Variants in GSDME observed in about 807,000 individuals in gnomAD.
The protein encoded by GSDME is gasdermin-E.
GSDME carries 44 observed loss-of-function variants against 47.5 expected under a neutral mutation model. The observed-to-expected ratio is 0.93, with a 90% CI of 0.73 to 1.19. The LOEUF (loss-of-function observed/expected upper bound fraction) is 1.19, where lower values mean the gene tolerates loss of function less well. Among genes scored for constraint, GSDME ranks in the 50% most tolerant of loss-of-function variants. The probability of loss-of-function intolerance (pLI) is 0.00; values close to 1 mark genes in which losing one functional copy is unlikely to be tolerated. For synonymous variants in GSDME, 258 were observed against 252.8 expected (o/e 1.02, Z -0.20); for missense variants, 663 against 604.2 (o/e 1.10, Z -1.02).
intron 8 of GSDME, chr7:24,703,046 G>A: frequency 2.0e-6 from 1 of 493,836 alleles, no homozygotes; most frequent in Non-Finnish European, 3.8e-6. Flanking sequence ...TGCCAGCTCT[G>A]CATTCCACAG....
chr7:24,727,569 G>A (rs1439921659), intron 3 of GSDME, among the ~76,000 whole-genome samples: 1 of 152,238 alleles, frequency 6.6e-6, no homozygotes, highest in East Asian at 1.9e-4. Flanking sequence ...TAAAACTACA[G>A]TTTACAAAGG....
At chr7:24,765,610 T>A in the GSDME span, among the ~76,000 whole-genome samples, 1 of 152,242 alleles carries the variant, frequency 6.6e-6, no homozygotes, top group South Asian at 2.1e-4. Flanking sequence ...TGTCCTTCAA[T>A]GTTATCCAGA....
At chr7:24,770,168 G>A in the GSDME span, among the ~76,000 whole-genome samples, 2 of 152,200 alleles carry the variant, frequency 1.3e-5, no homozygotes, top group Non-Finnish European at 2.9e-5. The surrounding 1 kb of genome is among the most constrained non-coding windows in gnomAD (Gnocchi z 4.6). Flanking sequence ...ATCACCAATG[G>A]CTGACGATTT....
rs921862675 is a variant in GSDME, at chr7:24,742,262, C to T, written c.404+2300G>A. The stretch of plus-strand genomic sequence containing the variant: ...CTTTTACATGATTTAGAGGAAAGAA[C>T]AGGAGCTTTGGAGCCAGAAAATCCT... On this transcript the variant is annotated intron_variant, in intron 3 of 9. Transcript: ENST00000645220. This position sits in a 1 kb window ranked among gnomAD's most constrained non-coding sequence, Gnocchi z 4.4. 6.6e-6 allele frequency among the ~76,000 whole-genome samples: 1 copy of T among 152,210 alleles called. No homozygotes were observed. Among genetic ancestry groups the T allele is most frequent in the African/African-American group, 2.4e-5 (1 of 41,442 alleles).
At chr7:24,761,954 A>G (rs1320603561), upstream of GSDME, among the ~76,000 whole-genome samples, 2 of 152,196 alleles carry the variant, frequency 1.3e-5, no homozygotes, top group Non-Finnish European at 2.9e-5. This position sits in a 1 kb window ranked among gnomAD's most constrained non-coding sequence, Gnocchi z 4.4. Flanking sequence ...TGTTTTCATG[A>G]AAGAAAGTGG....
rs1340456493 is a variant in GSDME at position 24,756,978 on chromosome 7, T to G, written c.-20+418A>C. ...CACACGCCCCCGAGCCGGGAGAGCC[T>G]CCGCAGCACCCAGAGAAGAGACCGG... On this transcript the variant is annotated intron_variant, in intron 1 of 9. Coordinates refer to ENST00000645220, the MANE Select transcript of GSDME (RefSeq NM_001127453.2). This position sits in a 1 kb window ranked among gnomAD's most constrained non-coding sequence, Gnocchi z 4.2. 6.8e-6 allele frequency among the ~76,000 whole-genome samples: 1 copy of G among 147,320 alleles called. No individual in the cohort carries two copies. The highest frequency in any genetic ancestry group is 1.5e-5 in the Non-Finnish European group (1 of 66,842).
rs1790572578 is a variant in GSDME at position 24,744,084 on chromosome 7, A to C, written c.404+478T>G. On this transcript the variant is annotated intron_variant, in intron 3 of 9. Coordinates refer to ENST00000645220, the MANE Select transcript of GSDME (RefSeq NM_001127453.2). The surrounding 1 kb of genome is among the most constrained non-coding windows in gnomAD (Gnocchi z 4.5). ...ATAGTGTGGTAAGATGTATTTACCGAAAGCCAAACAATGAATAAATGTGGG... is the reference window on the plus strand; with the variant it reads ...ATAGTGTGGTAAGATGTATTTACCGCAAGCCAAACAATGAATAAATGTGGG... 4.5e-6 allele frequency: 1 copy of C among 220,358 alleles called. No individual in the cohort carries two copies. The highest frequency in any genetic ancestry group is 7.2e-5 in the South Asian group (1 of 13,896). 13.7% of individuals were successfully genotyped at this position (220,358 alleles called of 1,614,324 possible).
At chr7:24,753,982 A>G (rs925150890) in intron 1 of GSDME, among the ~76,000 whole-genome samples, 1 of 152,250 alleles carries the variant, frequency 6.6e-6, no homozygotes, top group African/African-American at 2.4e-5. Flanking sequence ...AAATGAATGA[A>G]GGATCTAGAA....
the GSDME span, among the ~76,000 whole-genome samples, chr7:24,774,420 G>A: frequency 1.3e-5 from 2 of 149,422 alleles, no homozygotes; most frequent in Non-Finnish European, 3.0e-5. Context: ...AATACTTCAT[G>A]CTTTTCCCAC....
chr7:24,723,694 A>G (rs547845853), intron 3 of GSDME, among the ~76,000 whole-genome samples: 2 of 152,312 alleles, frequency 1.3e-5, no homozygotes, highest in South Asian at 4.1e-4. Context: ...AATGGCCCAC[A>G]TGGCCATAGC....
the GSDME span, among the ~76,000 whole-genome samples, chr7:24,789,275 C>CAT: frequency 2.6e-5 from 4 of 151,988 alleles, no homozygotes; most frequent in Non-Finnish European, 5.9e-5. Flanking sequence ...CACACACACA[C>CAT]ACACACGCCT....
the GSDME span, among the ~76,000 whole-genome samples, chr7:24,779,634 C>G: frequency 6.6e-6 from 1 of 152,160 alleles, no homozygotes; most frequent in Non-Finnish European, 1.5e-5. This position sits in a 1 kb window ranked among gnomAD's most constrained non-coding sequence, Gnocchi z 6.0. Flanking sequence ...TCTGTCATTT[C>G]ACGTATCAAG....
At chr7:24,750,226 C>A (rs1027847106) in intron 1 of GSDME, among the ~76,000 whole-genome samples, 1 of 152,168 alleles carries the variant, frequency 6.6e-6, no homozygotes, top group Admixed American at 6.5e-5. Context: ...AATGATCTGG[C>A]CCCAAAGTGA....
In GSDME at chr7:24,710,272, C is replaced by G; in HGVS notation, c.814G>C (p.Ala272Pro). 6.2e-7 allele frequency: 1 copy of G among 1,614,230 alleles called. No individual in the cohort carries two copies. The highest frequency in any genetic ancestry group is 8.5e-7 in the Non-Finnish European group (1 of 1,180,038). The change falls in exon 6 of 10, where the codon GCG (alanine) becomes CCG (proline). Residue 272 changes from alanine (A) to proline (P), a missense_variant. Ala to Pro is a conservative substitution (Grantham distance 27, BLOSUM62 -1). Coordinates refer to ENST00000645220, the MANE Select transcript of GSDME (RefSeq NM_001127453.2). ...EFAFIDMPDAAHGISSQDGPL... is the reference protein window; with the variant it reads ...EFAFIDMPDAPHGISSQDGPL... ...CCATCCTGGGAAGATATCCCATGCG[C>G]AGCATCTGGCATGTCTATGAATGCA...
the GSDME span, among the ~76,000 whole-genome samples, chr7:24,793,639 T>A: frequency 6.6e-6 from 1 of 152,188 alleles, no homozygotes; most frequent in African/African-American, 2.4e-5. Flanking sequence ...TTTTCTTGTT[T>A]CACGACTTTC....
At chr7:24,709,219 C>T (rs1391774464) in intron 6 of GSDME, among the ~76,000 whole-genome samples, 1 of 152,222 alleles carries the variant, frequency 6.6e-6, no homozygotes, top group Non-Finnish European at 1.5e-5. Context: ...TGCACCCCTG[C>T]TGACCAGAAT....
In GSDME at chr7:24,699,069, A is replaced by T. The variant is rs147841962; in HGVS notation, c.1448T>A (p.Ile483Lys). The change falls in exon 10 of 10, where the codon ATA becomes AAA. Residue 483 changes from isoleucine to lysine, a missense_variant. Ile to Lys is a moderately radical substitution (Grantham distance 102). Transcript: ENST00000645220. Reference protein sequence around the residue: ...DSKVFPLLLCITLNGLCALGR... With the variant: ...DSKVFPLLLCKTLNGLCALGR... ...TAAAGCACAGAGTCCATTCAGGGTT[A>T]TACAAAGAAGCAGTGGGAAGACTTT... The T allele has an allele frequency of 2.3e-5, 37 of 1,614,048 alleles. No individual in the cohort carries two copies. The African/African-American group carries it at 4.4e-4, about 19-fold the overall frequency.
the GSDME span, among the ~76,000 whole-genome samples, chr7:24,775,591 G>T: frequency 6.7e-6 from 1 of 149,892 alleles, no homozygotes; most frequent in South Asian, 2.1e-4. Flanking sequence ...CTAAGGGCCA[G>T]CGCGGTGGCT....
At chr7:24,757,500 G>A (rs1373010941), upstream of GSDME, 1 of 151,722 alleles carries the variant, frequency 6.6e-6, no homozygotes, top group Non-Finnish European at 1.5e-5. The surrounding 1 kb of genome is among the most constrained non-coding windows in gnomAD (Gnocchi z 5.9). Context: ...GGAGGGCGGA[G>A]AGAGGGCCCG....
Sources: allele counts gnomAD v4.1 joint callset (sites outside exome capture counted in the v4.1 genomes callset), GRCh38; gene constraint gnomAD v4.1.1; non-coding constraint Gnocchi (gnomAD v3.1); transcripts MANE v1.5; gene names NCBI Gene and HGNC (gene_info 2026-07-23, HGNC 2026-07-21).